Variants in MTX2 observed in about 807,000 individuals in gnomAD.
The protein encoded by MTX2 is metaxin-2.
In MTX2, 35 loss-of-function variants were observed where a neutral mutation model predicts 42.3. The ratio of observed to expected loss-of-function variants is 0.83; its 90% CI spans 0.63 to 1.10. The LOEUF (loss-of-function observed/expected upper bound fraction) is 1.10. Among genes scored for constraint, MTX2 ranks in the 50% least tolerant of loss-of-function variants. The pLI is 0.00. For synonymous variants in MTX2, 119 were observed against 100.9 expected (o/e 1.18, Z -1.08); for missense variants, 307 against 304.1 (o/e 1.01, Z -0.07).
At chr2:176,296,532 C>T (rs1683888321) in intron 1 of MTX2, among the ~76,000 whole-genome samples, 1 of 151,950 alleles carries the variant, frequency 6.6e-6, no homozygotes, top group Non-Finnish European at 1.5e-5. Context: ...TAGGATATGT[C>T]TGTGTTTGAA....
chr2:176,312,786 C>G (rs1263241432), intron 3 of MTX2, among the ~76,000 whole-genome samples: 1 of 143,904 alleles, frequency 6.9e-6, no homozygotes, highest in Non-Finnish European at 1.5e-5. Context: ...TCACTTGAAT[C>G]TGGGAGGCGG....
chr2:176,331,342 T>C (rs1350105707), intron 9 of MTX2, among the ~76,000 whole-genome samples: 2 of 151,118 alleles, frequency 1.3e-5, no homozygotes, highest in Non-Finnish European at 3.0e-5. Context: ...CAGTGTAAGA[T>C]GGGCTTAAAG....
At chr2:176,323,743 C>T (rs1217548076) in intron 4 of MTX2, among the ~76,000 whole-genome samples, 3 of 151,658 alleles carry the variant, frequency 2.0e-5, no homozygotes, top group Non-Finnish European at 1.5e-5. Flanking sequence ...AATACATGAT[C>T]TCAGATTTCC....
chr2:176,313,388 C>CTTTTTTTTTTTTTTTTTTTTT (rs1207416607), intron 3 of MTX2, among the ~76,000 whole-genome samples: 4 of 103,492 alleles, frequency 3.9e-5, no homozygotes, highest in African/African-American at 1.2e-4. Flanking sequence ...TACACTGATT[C>CTTTTTTTTTTTTTTTTTTTTT]TTTTTTTTTT....
At chr2:176,311,517 C>T (rs535089798) in intron 3 of MTX2, among the ~76,000 whole-genome samples, 7 of 152,218 alleles carry the variant, frequency 4.6e-5, no homozygotes, top group South Asian at 4.1e-4. Flanking sequence ...GGAGGTGAAG[C>T]GTAGAGGCAG....
intron 3 of MTX2, among the ~76,000 whole-genome samples, chr2:176,315,564 C>T (rs1225355211): frequency 2.0e-5 from 3 of 152,074 alleles, no homozygotes; most frequent in Admixed American, 1.3e-4. Context: ...TTGTTTGTGT[C>T]CTTTGAAGGG....
intron 1 of MTX2, among the ~76,000 whole-genome samples, chr2:176,274,538 TTCTC>T (rs1348668204): frequency 6.6e-6 from 1 of 152,148 alleles, no homozygotes; most frequent in Non-Finnish European, 1.5e-5. Flanking sequence ...GGATATCTAT[TTCTC>T]TCTCGAGCCA....
chr2:176,328,754 A>G, intron 6 of MTX2, 120 bp from the exon 7 acceptor site: 1 of 855,106 alleles, frequency 1.2e-6, no homozygotes, highest in East Asian at 2.5e-5. Flanking sequence ...AGAAAAACAA[A>G]CCGCTACATG....
At position 176,269,514 on chromosome 2, in the gene MTX2, G is replaced by C. The variant is rs1692741152; in HGVS notation, c.-116G>C. 1 of 1,178,910 alleles carries C rather than the reference G, an allele frequency of 8.5e-7. No homozygotes were observed. The highest frequency in any genetic ancestry group is 1.2e-6 in the Non-Finnish European group (1 of 868,244). 73.0% of individuals were successfully genotyped at this position (1,178,910 alleles called of 1,614,324 possible). On this transcript the variant is annotated 5_prime_UTR_variant, in exon 1 of 10. Transcript: ENST00000249442. ...CCGCTGCTGTTGGAGTGGGCTTTGC[G>C]AGTCTGAACGTTGGCGGGGCTAGGC...
At chr2:176,330,547 T>A in intron 8 of MTX2, 37 bp from the exon 9 acceptor site, 2 of 1,435,748 alleles carry the variant, frequency 1.4e-6, no homozygotes, top group Non-Finnish European at 1.9e-6. Context: ...TTTTGCTAAT[T>A]GAAATACTTT....
chr2:176,332,663 G>T (rs1260938527), intron 9 of MTX2, among the ~76,000 whole-genome samples: 1 of 151,290 alleles, frequency 6.6e-6, no homozygotes, highest in African/African-American at 2.4e-5. Flanking sequence ...ATTGGGAAAA[G>T]AGGCCAAAAA....
intron 1 of MTX2, among the ~76,000 whole-genome samples, chr2:176,283,258 C>T (rs1268791198): frequency 1.3e-5 from 2 of 152,116 alleles, no homozygotes; most frequent in Non-Finnish European, 2.9e-5. Flanking sequence ...CCTTTTTGTT[C>T]TTCACCTGCT....
chr2:176,303,381 A>G (rs1260142088), intron 3 of MTX2, among the ~76,000 whole-genome samples: 1 of 152,102 alleles, frequency 6.6e-6, no homozygotes, highest in Non-Finnish European at 1.5e-5. Flanking sequence ...CTAAGGGATA[A>G]ATAGAATTTA....
chr2:176,329,243 A>C, intron 7 of MTX2, 58 bp from the exon 8 acceptor site: 1 of 1,517,620 alleles, frequency 6.6e-7, no homozygotes. Flanking sequence ...TTCTATTTGT[A>C]AAAACGGGCA....
intron 1 of MTX2, among the ~76,000 whole-genome samples, chr2:176,288,754 A>G (rs116067279): frequency 2.0e-4 from 30 of 152,020 alleles, no homozygotes; most frequent in African/African-American, 7.2e-4. Flanking sequence ...TATTCTGGAA[A>G]TTATGTCTTC....
intron 3 of MTX2, among the ~76,000 whole-genome samples, chr2:176,322,353 T>G (rs1483417856): frequency 1.3e-5 from 2 of 149,536 alleles, no homozygotes; most frequent in African/African-American, 5.1e-5. Context: ...ATATCCTTGT[T>G]AATTTATTAA....
At chr2:176,309,332 T>C (rs1684234781) in intron 3 of MTX2, among the ~76,000 whole-genome samples, 2 of 152,210 alleles carry the variant, frequency 1.3e-5, no homozygotes, top group South Asian at 2.1e-4. Context: ...AATTTTAGAA[T>C]AAGTGCAATG....
At chr2:176,323,077 C>G (rs1684622723) in intron 3 of MTX2, among the ~76,000 whole-genome samples, 1 of 151,556 alleles carries the variant, frequency 6.6e-6, no homozygotes, top group South Asian at 2.1e-4. Context: ...AAAATTAAAG[C>G]TATATATATA....
intron 1 of MTX2, chr2:176,270,536 C>T: frequency 1.7e-6 from 1 of 595,806 alleles, no homozygotes; most frequent in Non-Finnish European, 2.7e-6. Flanking sequence ...TGGAATTAGT[C>T]ATAACTCCCT....
Sources: allele counts gnomAD v4.1 joint callset (sites outside exome capture counted in the v4.1 genomes callset), GRCh38; gene constraint gnomAD v4.1.1; transcripts MANE v1.5; gene names NCBI Gene and HGNC (gene_info 2026-07-23, HGNC 2026-07-21).